Variants in FAM185A observed in about 807,000 individuals in gnomAD.
FAM185A encodes the protein protein FAM185A.
In FAM185A, 21 loss-of-function variants were observed where a neutral mutation model predicts 45.7. The ratio of observed to expected loss-of-function variants is 0.46; its 90% CI spans 0.33 to 0.66. The LOEUF is 0.66. Among genes scored for constraint, FAM185A ranks in the 30% least tolerant of loss-of-function variants. The pLI is 0.03. For missense variants in FAM185A, 305 were observed against 485.4 expected (o/e 0.63, Z 3.49); for synonymous variants, 117 against 194.0 (o/e 0.60, Z 3.30).
intron 7 of FAM185A, among the ~76,000 whole-genome samples, chr7:102,795,676 G>A (rs1348459193): frequency 6.6e-6 from 1 of 152,004 alleles, no homozygotes; most frequent in Non-Finnish European, 1.5e-5. Context: ...TGCTCACACA[G>A]GTCCAGGAAT....
Position 102,757,963 on chromosome 7 carries a change from C to CTT in FAM185A, c.654+27_654+28dup, listed in dbSNP as rs199537059. ...GATAAAAGTGTAAGATTGAAACTTT[C>CTT]TTTTTTTTTTTAGTAATTGCAACTT... On this transcript the variant is annotated intron_variant, in intron 3 of 7. Transcript: ENST00000413034. The CTT allele has an allele frequency of 6.4e-3, 8,659 of 1,350,398 alleles. No homozygotes were observed. Among genetic ancestry groups the CTT allele is most frequent in the Admixed American group, 7.9e-3 (329 of 41,422 alleles). 83.7% of individuals were successfully genotyped at this position (1,350,398 alleles called of 1,614,324 possible).
chr7:102,805,913 G>A (rs1398730451), intron 7 of FAM185A, among the ~76,000 whole-genome samples: 1 of 152,174 alleles, frequency 6.6e-6, no homozygotes, highest in Non-Finnish European at 1.5e-5. Flanking sequence ...AAGAATGTTA[G>A]TTCTGGCTCA....
the FAM185A span, among the ~76,000 whole-genome samples, chr7:102,819,283 A>T: frequency 1.3e-5 from 2 of 151,856 alleles, no homozygotes; most frequent in Non-Finnish European, 2.9e-5. Context: ...CATAGTTGTT[A>T]CTTATTCCTC....
chr7:102,796,211 G>A (rs988116095), intron 7 of FAM185A, among the ~76,000 whole-genome samples: 1 of 152,266 alleles, frequency 6.6e-6, no homozygotes, highest in Middle Eastern at 3.4e-3. Flanking sequence ...TTCCTGACTG[G>A]GGGCCACAAG....
At chr7:102,792,509 A>C (rs1796196245) in intron 7 of FAM185A, among the ~76,000 whole-genome samples, 1 of 93,564 alleles carries the variant, frequency 1.1e-5, no homozygotes, top group Non-Finnish European at 2.1e-5. Context: ...TGGTTCATCA[A>C]CTTAGATATG....
chr7:102,799,085 A>G (rs1210818895), intron 7 of FAM185A, among the ~76,000 whole-genome samples: 3 of 152,208 alleles, frequency 2.0e-5, no homozygotes, highest in Non-Finnish European at 4.4e-5. Flanking sequence ...GAAACTCTGT[A>G]TTACAGAAAA....
At chr7:102,815,726 G>A in the FAM185A span, among the ~76,000 whole-genome samples, 1 of 152,036 alleles carries the variant, frequency 6.6e-6, no homozygotes, top group South Asian at 2.1e-4. Flanking sequence ...AATGTCAGAA[G>A]AGCAACAGTT....
chr7:102,822,567 A>G, the FAM185A span: 116 of 416,246 alleles, frequency 2.8e-4, 2 homozygotes, highest in Middle Eastern at 5.0e-3. Flanking sequence ...CCCACTTTCT[A>G]TTACTGTCAC....
At chr7:102,784,210 A>C (rs1385142210) in intron 6 of FAM185A, among the ~76,000 whole-genome samples, 6 of 151,684 alleles carry the variant, frequency 4.0e-5, no homozygotes, top group South Asian at 2.1e-4. Flanking sequence ...CCAACCAAAA[A>C]AAGTCCAGGA....
the FAM185A span, among the ~76,000 whole-genome samples, chr7:102,843,259 C>T: frequency 6.6e-6 from 1 of 152,076 alleles, no homozygotes; most frequent in Non-Finnish European, 1.5e-5. Flanking sequence ...GTCTGACCAA[C>T]ATGCTGAAAC....
chr7:102,765,889 A>G (rs1362701323), intron 4 of FAM185A, among the ~76,000 whole-genome samples: 1 of 151,980 alleles, frequency 6.6e-6, no homozygotes, highest in Non-Finnish European at 1.5e-5. Flanking sequence ...GTAAAATTTT[A>G]TGAGTTTACT....
In FAM185A at chr7:102,749,457, C is replaced by A; in HGVS notation, c.250C>A (p.His84Asn). Residue 84 changes from histidine (H) to asparagine (N), a missense_variant, in exon 1 of 8, where the codon CAC (histidine) becomes AAC (asparagine). Transcript: ENST00000413034. Reference protein sequence around the residue: ...FGRLRARLPCHLAVRPLDPLT... With the variant: ...FGRLRARLPCNLAVRPLDPLT... Reference sequence around the variant, plus strand: ...TCGGCTGCGGGCGCGGCTCCCGTGCCACCTGGCCGTGAGGCCCCTGGACCC... The same window carrying A: ...TCGGCTGCGGGCGCGGCTCCCGTGCAACCTGGCCGTGAGGCCCCTGGACCC... 1.9e-6 allele frequency: 3 copies of A among 1,547,474 alleles called. No individual in the cohort carries two copies. Among genetic ancestry groups the A allele is most frequent in the Middle Eastern group, 2.2e-4 (1 of 4,470 alleles).
intron 6 of FAM185A, among the ~76,000 whole-genome samples, chr7:102,786,830 A>AT (rs1419672648): frequency 2.9e-4 from 33 of 114,096 alleles, no homozygotes; most frequent in East Asian, 1.2e-3. Flanking sequence ...AAGTATAATA[A>AT]AAAAAAAAAA....
At chr7:102,786,753 C>A (rs1479848927) in intron 6 of FAM185A, among the ~76,000 whole-genome samples, 1 of 151,722 alleles carries the variant, frequency 6.6e-6, no homozygotes, top group Non-Finnish European at 1.5e-5. Context: ...GGGTGCAGCA[C>A]ACCAACATGG....
chr7:102,761,092 T>C (rs1794082223), intron 3 of FAM185A, among the ~76,000 whole-genome samples, 181 bp from the exon 4 acceptor site: 1 of 152,176 alleles, frequency 6.6e-6, no homozygotes, highest in South Asian at 2.1e-4. Flanking sequence ...TGTTCCATAT[T>C]CTGCAGAGAA....
chr7:102,776,860 T>C (rs1185092642), intron 5 of FAM185A, among the ~76,000 whole-genome samples: 22 of 151,900 alleles, frequency 1.4e-4, no homozygotes, highest in Admixed American at 1.4e-3. Flanking sequence ...TATGTGACTA[T>C]ACATGAGGTA....
intron 7 of FAM185A, among the ~76,000 whole-genome samples, chr7:102,802,912 G>A (rs997439658): frequency 6.6e-6 from 1 of 152,150 alleles, no homozygotes; most frequent in East Asian, 1.9e-4. Context: ...ACACCTTTAC[G>A]CATATAAACT....
chr7:102,799,917 A>C (rs543268328), intron 7 of FAM185A, among the ~76,000 whole-genome samples: 70 of 151,806 alleles, frequency 4.6e-4, no homozygotes, highest in Non-Finnish European at 6.0e-4. Flanking sequence ...TCGCGTCATG[A>C]ATTTTAGCTC....
chr7:102,813,325 C>T (rs1395300074), downstream of FAM185A: 4 of 1,568,704 alleles, frequency 2.5e-6, no homozygotes, highest in African/African-American at 2.8e-5. Context: ...TTTGTTCTTC[C>T]TGCTTGAGGC....
Sources: gnomAD v4.1 joint callset for allele counts (sites outside exome capture counted in the v4.1 genomes callset) on GRCh38, gnomAD v4.1.1 for gene constraint, MANE v1.5 for transcripts, NCBI Gene and HGNC (gene_info 2026-07-23, HGNC 2026-07-21) for gene names.